Variants in DAPK1 observed in about 807,000 individuals in gnomAD.
DAPK1 encodes death associated protein kinase 1.
A neutral mutation model predicts 144.9 loss-of-function variants in DAPK1; 56 were observed. That is an observed-to-expected ratio of 0.39 (90% confidence interval 0.31 to 0.48). DAPK1 has a LOEUF of 0.48. Among genes scored for constraint, DAPK1 ranks in the 20% least tolerant of loss-of-function variants. DAPK1 has a pLI of 0.95. For missense variants in DAPK1, 1,454 were observed against 1,875.4 expected (o/e 0.78, Z 4.15); for synonymous variants, 690 against 749.0 (o/e 0.92, Z 1.29).
intron 10 of DAPK1, among the ~76,000 whole-genome samples, chr9:87,642,316 G>A (rs1830125379): frequency 6.6e-6 from 1 of 152,154 alleles, no homozygotes; most frequent in South Asian, 2.1e-4. Flanking sequence ...AATTTTTATA[G>A]CAGCACTGTA....
intron 2 of DAPK1, among the ~76,000 whole-genome samples, chr9:87,595,350 C>G (rs1196601045): frequency 1.3e-5 from 2 of 152,136 alleles, no homozygotes; most frequent in Non-Finnish European, 2.9e-5. Context: ...TTTCTCCAAG[C>G]AGCATCTCTT....
At chr9:87,604,909 G>A in intron 2 of DAPK1, 45 bp from the exon 3 acceptor site, 1 of 1,579,988 alleles carries the variant, frequency 6.3e-7, no homozygotes, top group African/African-American at 1.3e-5. Context: ...CTCAAATCCT[G>A]TTTTTTTTAT....
At chr9:87,571,495 C>A (rs954251808) in intron 2 of DAPK1, among the ~76,000 whole-genome samples, 11,078 of 29,588 alleles carry the variant, frequency 0.37, 1,770 homozygotes, top group East Asian at 0.46. Context: ...ACACACACAC[C>A]CCAACACACA....
At chr9:87,520,343 G>C (rs1385043292) in intron 2 of DAPK1, among the ~76,000 whole-genome samples, 2 of 152,190 alleles carry the variant, frequency 1.3e-5, no homozygotes, top group African/African-American at 4.8e-5. Context: ...GGAGGAAGTG[G>C]AGGAACTGCT....
At position 87,668,427 on chromosome 9, in the gene DAPK1, A is replaced by C. The variant is rs934593083; in HGVS notation, c.1924-170A>C. The stretch of plus-strand genomic sequence containing the variant: ...CTTCCTGTCCTGGACAATCAAGTGA[A>C]ATAAGGATTGCACAGCCAGAGAAAC... On this transcript the variant is annotated intron_variant, in intron 18 of 25. Coordinates refer to ENST00000408954, the MANE Select transcript of DAPK1 (RefSeq NM_004938.4). 4 of 639,350 alleles carry C rather than the reference A, an allele frequency of 6.3e-6. No homozygotes were observed. In the Middle Eastern group the frequency reaches 7.8e-4, roughly 125 times the overall value. The allele number at this position is 639,350 out of a possible 1,614,324, so 39.6% of individuals were successfully genotyped here. A position where few individuals can be genotyped will look rare whatever the true frequency, so the allele number is the denominator to read the frequency against.
intron 2 of DAPK1, among the ~76,000 whole-genome samples, chr9:87,503,153 G>C (rs1042336096): frequency 6.6e-6 from 1 of 152,098 alleles, no homozygotes; most frequent in African/African-American, 2.4e-5. Context: ...CATGCAGTCT[G>C]TCTTTCTAGT....
chr9:87,706,642 G>A lies in DAPK1; in HGVS notation c.3571G>A (p.Gly1191Ser), dbSNP rs769590904. The change falls in exon 26 of 26, where the codon GGC (glycine) becomes AGC (serine). Residue 1191 changes from glycine (G) to serine (S), a missense_variant. Around this residue, in one of 2 missense-constraint regions of DAPK1, gnomAD observed 1,025 missense variants for 1,237.9 expected, o/e 0.83. Coordinates refer to ENST00000408954, the MANE Select transcript of DAPK1 (RefSeq NM_004938.4). The surrounding 1 kb of genome is among the most constrained non-coding windows in gnomAD (Gnocchi z 9.0). ...GCTGCTGGTGCTGCTGGTCAACCAC[G>A]GCCAGGGCATTGAGGTCCAGGTCCG... ...AELLVLLVNH[G>S]QGIEVQVRGL... is the part of the protein sequence containing the mutation. The A allele has an allele frequency of 8.1e-6, 13 of 1,612,680 alleles. No individual in the cohort carries two copies. The highest frequency in any genetic ancestry group is 3.3e-5 in the Admixed American group (2 of 59,984).
chr9:87,559,220 G>A (rs1826820765), intron 2 of DAPK1, among the ~76,000 whole-genome samples: 1 of 152,160 alleles, frequency 6.6e-6, no homozygotes, highest in Non-Finnish European at 1.5e-5. Flanking sequence ...TAGAGGTAAT[G>A]TGTCATCTCT....
At chr9:87,522,310 T>A (rs1825328486) in intron 2 of DAPK1, among the ~76,000 whole-genome samples, 1 of 152,246 alleles carries the variant, frequency 6.6e-6, no homozygotes, top group Non-Finnish European at 1.5e-5. Flanking sequence ...TGCCCTCCAG[T>A]GACTAGTTCC....
At chr9:87,596,706 C>T (rs979974996) in intron 2 of DAPK1, among the ~76,000 whole-genome samples, 16 of 152,328 alleles carry the variant, frequency 1.1e-4, no homozygotes, top group African/African-American at 3.4e-4. Flanking sequence ...CTTTCTGTGT[C>T]GAATCCTTCC....
At chr9:87,575,823 C>T (rs929900203) in intron 2 of DAPK1, among the ~76,000 whole-genome samples, 2 of 152,086 alleles carry the variant, frequency 1.3e-5, no homozygotes, top group African/African-American at 4.8e-5. Context: ...TTTCCTTCAA[C>T]CTAATCATCC....
intron 17 of DAPK1, chr9:87,657,503 C>T (rs1830668845): frequency 6.1e-6 from 1 of 163,562 alleles, no homozygotes; most frequent in South Asian, 1.5e-4. Context: ...GAGTAGTTCA[C>T]CTGGTCTCAG....
chr9:87,695,663 G>T (rs1825231826), intron 21 of DAPK1, among the ~76,000 whole-genome samples: 1 of 152,132 alleles, frequency 6.6e-6, no homozygotes, highest in Admixed American at 6.6e-5. Flanking sequence ...CTCCTGTGTA[G>T]GCAGAACTGC....
At chr9:87,576,502 C>A (rs1827566256) in intron 2 of DAPK1, among the ~76,000 whole-genome samples, 1 of 152,154 alleles carries the variant, frequency 6.6e-6, no homozygotes, top group African/African-American at 2.4e-5. Flanking sequence ...TTGGCCTCTG[C>A]CCCTCATGAG....
intron 2 of DAPK1, among the ~76,000 whole-genome samples, chr9:87,547,324 G>C (rs1826286535): frequency 6.6e-6 from 1 of 152,156 alleles, no homozygotes; most frequent in African/African-American, 2.4e-5. Flanking sequence ...GGCTTCCAGA[G>C]AAAAGATGCA....
At position 87,686,852 on chromosome 9, in the gene DAPK1, C is replaced by A; in HGVS notation, c.2413+113C>A. ...GTATCTGTCACTTCCAGAAGGAAAT[C>A]CAACACAGACTGATATTCAGAGTGA... is the stretch of plus-strand genomic sequence containing the variant. On this transcript the variant is annotated intron_variant, in intron 21 of 25. Coordinates refer to ENST00000408954, the MANE Select transcript of DAPK1 (RefSeq NM_004938.4). This position sits in a 1 kb window ranked among gnomAD's most constrained non-coding sequence, Gnocchi z 4.2. The A allele has an allele frequency of 7.0e-7, 1 of 1,427,296 alleles. No homozygotes were observed. Among genetic ancestry groups the A allele is most frequent in the Non-Finnish European group, 9.3e-7 (1 of 1,076,866 alleles). 88.4% of individuals were successfully genotyped at this position (1,427,296 alleles called of 1,614,324 possible).
At chr9:87,514,986 G>A (rs1234620633) in intron 2 of DAPK1, among the ~76,000 whole-genome samples, 1 of 152,218 alleles carries the variant, frequency 6.6e-6, no homozygotes, top group Non-Finnish European at 1.5e-5. Flanking sequence ...TGTTCTGGGA[G>A]AGACACTGAC....
intron 19 of DAPK1, among the ~76,000 whole-genome samples, chr9:87,671,116 A>T (rs1831235726): frequency 6.6e-6 from 1 of 152,164 alleles, no homozygotes; most frequent in African/African-American, 2.4e-5. Flanking sequence ...TGTCCCCGTT[A>T]TCTGCAGCCT....
chr9:87,571,927 G>A (rs1399006414), intron 2 of DAPK1, among the ~76,000 whole-genome samples: 1 of 152,194 alleles, frequency 6.6e-6, no homozygotes, highest in Non-Finnish European at 1.5e-5. Flanking sequence ...AGACCGTGGA[G>A]TCCCAGGGAT....
Sources: allele counts gnomAD v4.1 joint callset (sites outside exome capture counted in the v4.1 genomes callset), GRCh38; gene constraint gnomAD v4.1.1; regional missense constraint gnomAD v4.1.1; non-coding constraint Gnocchi (gnomAD v3.1); transcripts MANE v1.5; gene names NCBI Gene and HGNC (gene_info 2026-07-23, HGNC 2026-07-21).